The following RUNX2 variants were observed in gnomAD, a reference collection of about 807,000 sequenced individuals.
The protein encoded by RUNX2 is runt-related transcription factor 2.
A neutral mutation model predicts 51.7 loss-of-function variants in RUNX2; 10 were observed. The observed-to-expected ratio is 0.19, with a 90% confidence interval of 0.12 to 0.33. The LOEUF is 0.33. RUNX2 is among the 10% of genes least tolerant of loss of function. RUNX2 has a pLI of 1.00. For synonymous variants in RUNX2, 276 were observed against 273.6 expected (o/e 1.01, Z -0.09); for missense variants, 562 against 691.3 (o/e 0.81, Z 2.10).
chr6:45,391,311 T>G (rs955560374), intron 2 of RUNX2, among the ~76,000 whole-genome samples: 1 of 152,170 alleles, frequency 6.6e-6, no homozygotes, highest in African/African-American at 2.4e-5. Context: ...TTCTGTTGTT[T>G]AAAAGAGTCT....
intron 2 of RUNX2, among the ~76,000 whole-genome samples, chr6:45,412,829 C>T (rs1166928501): frequency 6.6e-6 from 1 of 152,166 alleles, no homozygotes; most frequent in South Asian, 2.1e-4. Context: ...ACTGCAACCT[C>T]CGCCTCCAAG....
intron 4 of RUNX2, among the ~76,000 whole-genome samples, chr6:45,434,591 A>G (rs1441447494): frequency 1.3e-5 from 2 of 152,236 alleles, no homozygotes; most frequent in Admixed American, 1.3e-4. Flanking sequence ...ATAAAAGTAG[A>G]GCATCAGTGG....
intron 5 of RUNX2, among the ~76,000 whole-genome samples, chr6:45,476,734 A>G (rs1212844548): frequency 6.6e-6 from 1 of 152,250 alleles, no homozygotes; most frequent in Non-Finnish European, 1.5e-5. Flanking sequence ...ATTATAGACC[A>G]GTCTAGGGCT....
intron 6 of RUNX2, among the ~76,000 whole-genome samples, chr6:45,493,039 G>A (rs1800531331): frequency 1.3e-5 from 2 of 152,202 alleles, no homozygotes; most frequent in South Asian, 4.1e-4. Context: ...ATAGTAGTTA[G>A]GCTCGAATGT....
chr6:45,398,100 A>G (rs1445582667), intron 2 of RUNX2, among the ~76,000 whole-genome samples: 1 of 152,222 alleles, frequency 6.6e-6, no homozygotes, highest in African/African-American at 2.4e-5. Flanking sequence ...ACACATGGAC[A>G]TAGAATATAG....
chr6:45,400,335 A>T (rs1797686185), intron 2 of RUNX2, among the ~76,000 whole-genome samples: 1 of 152,134 alleles, frequency 6.6e-6, no homozygotes, highest in South Asian at 2.1e-4. Context: ...CCTTTATGAC[A>T]AGTTCGGGTT....
intron 3 of RUNX2, among the ~76,000 whole-genome samples, chr6:45,426,760 G>C (rs945198319): frequency 6.6e-5 from 10 of 152,176 alleles, no homozygotes; most frequent in African/African-American, 2.2e-4. Context: ...ACCTTTCAGT[G>C]CTTGTCAAAA....
chr6:45,444,423 TCTAG>T (rs1442935307), intron 5 of RUNX2, among the ~76,000 whole-genome samples: 1 of 152,224 alleles, frequency 6.6e-6, no homozygotes, highest in Non-Finnish European at 1.5e-5. Flanking sequence ...CCTCCGGTGA[TCTAG>T]CTCCTTTCTT....
intron 7 of RUNX2, among the ~76,000 whole-genome samples, chr6:45,540,927 T>C (rs1053780786): frequency 5.9e-5 from 9 of 152,194 alleles, no homozygotes; most frequent in Non-Finnish European, 8.8e-5. Context: ...CTGTCTGCAA[T>C]GTGAGGTCAA....
At chr6:45,539,309 G>A (rs1270014696) in intron 7 of RUNX2, among the ~76,000 whole-genome samples, 1 of 151,984 alleles carries the variant, frequency 6.6e-6, no homozygotes, top group African/African-American at 2.4e-5. Context: ...AGCATGCAGT[G>A]GAAAAGTACA....
chr6:45,466,966 C>T (rs1045098146), intron 5 of RUNX2, among the ~76,000 whole-genome samples: 15 of 152,296 alleles, frequency 9.8e-5, no homozygotes, highest in African/African-American at 3.4e-4. Flanking sequence ...TTTTCTTGCT[C>T]CTAACCACCA....
chr6:45,390,180 T>C (rs889008813), intron 2 of RUNX2, among the ~76,000 whole-genome samples: 9 of 152,208 alleles, frequency 5.9e-5, no homozygotes, highest in African/African-American at 1.9e-4. Flanking sequence ...CTTCCATGAA[T>C]AGTATTTGGC....
intron 2 of RUNX2, among the ~76,000 whole-genome samples, chr6:45,391,044 C>T (rs1354577949): frequency 1.3e-5 from 2 of 152,164 alleles, no homozygotes; most frequent in Non-Finnish European, 2.9e-5. Context: ...GATGTGATCC[C>T]TGTCCTAGAG....
At chr6:45,390,649 G>A (rs1417618105) in intron 2 of RUNX2, among the ~76,000 whole-genome samples, 1 of 151,956 alleles carries the variant, frequency 6.6e-6, no homozygotes, top group Non-Finnish European at 1.5e-5. Flanking sequence ...AAAGAAGGAA[G>A]GGAACAAAAT....
Position 45,549,876 on chromosome 6 carries a change from G to C in RUNX2, c.*2571G>C, listed in dbSNP as rs1025756074. ...ACACTTTAGAAGCTTTTTTTCCTTGGGAAAAATTCAAGCACTTCTTCCCTC... is the reference window on the plus strand; with the variant it reads ...ACACTTTAGAAGCTTTTTTTCCTTGCGAAAAATTCAAGCACTTCTTCCCTC... On this transcript the variant is annotated 3_prime_UTR_variant, in exon 9 of 9. Coordinates refer to ENST00000647337, the MANE Select transcript of RUNX2 (RefSeq NM_001024630.4). 3 of 152,580 alleles carry C rather than the reference G, an allele frequency of 2.0e-5. No individual in the cohort carries two copies. The highest frequency in any genetic ancestry group is 6.6e-5 in the Admixed American group (1 of 15,262). 9.5% of individuals were successfully genotyped at this position (152,580 alleles called of 1,614,324 possible).
chr6:45,517,766 T>A lies in RUNX2; in HGVS notation c.1021+5359T>A, dbSNP rs144729269. Among the ~76,000 whole-genome samples, 1,318 of 152,250 alleles carry A rather than the reference T, an allele frequency of 8.7e-3. 12 individuals carry two copies. The highest frequency in any genetic ancestry group is 0.027 in the South Asian group (130 of 4,826). ...AGTTTAATAATACAATTATTAAAAA[T>A]TATTTTATCACTACTACAAAATCTA... On this transcript the variant is annotated intron_variant, in intron 7 of 8. Transcript: ENST00000647337.
chr6:45,510,616 AAT>A (rs1801111205), intron 6 of RUNX2, among the ~76,000 whole-genome samples: 1 of 152,140 alleles, frequency 6.6e-6, no homozygotes, highest in African/African-American at 2.4e-5. Flanking sequence ...CAAGTATATT[AAT>A]AGTTTTTATT....
chr6:45,454,074 A>G (rs1799252909), intron 5 of RUNX2, among the ~76,000 whole-genome samples: 1 of 152,174 alleles, frequency 6.6e-6, no homozygotes, highest in Non-Finnish European at 1.5e-5. Context: ...CTTTCATTCT[A>G]GATTGTGTTG....
At chr6:45,386,294 C>T (rs958014460) in intron 2 of RUNX2, among the ~76,000 whole-genome samples, 1 of 151,968 alleles carries the variant, frequency 6.6e-6, no homozygotes. Flanking sequence ...CTCAAACTGC[C>T]GACCTCAGGT....
Sources: allele counts gnomAD v4.1 joint callset (sites outside exome capture counted in the v4.1 genomes callset), GRCh38; gene constraint gnomAD v4.1.1; transcripts MANE v1.5; gene names NCBI Gene and HGNC (gene_info 2026-07-23, HGNC 2026-07-21).